The following TRPM1 variants were observed in gnomAD, a reference collection of about 807,000 sequenced individuals.
The protein encoded by TRPM1 is transient receptor potential cation channel subfamily M member 1.
Under a neutral mutation model 149.4 loss-of-function variants are expected in TRPM1, and 113 were observed. That is an observed-to-expected ratio of 0.76 (90% CI 0.65 to 0.88). TRPM1 has a LOEUF of 0.88. Ranked by LOEUF, TRPM1 falls within the 40% of genes least tolerant of loss-of-function variation. The probability of loss-of-function intolerance (pLI) is 0.00; values close to 1 mark genes in which losing one functional copy is unlikely to be tolerated. For synonymous variants in TRPM1, 741 were observed against 759.5 expected, an observed-to-expected ratio of 0.98 and a Z score of 0.40; for missense variants, 1,976 against 2,038.7, an observed-to-expected ratio of 0.97 and a Z score of 0.59.
At chr15:31,130,514 C>T (rs1018273712) in intron 1 of TRPM1, among the ~76,000 whole-genome samples, 1 of 152,216 alleles carries the variant, frequency 6.6e-6, no homozygotes, top group African/African-American at 2.4e-5. Flanking sequence ...AAATTAGCTA[C>T]AAGATTAGAA....
chr15:31,105,183 T>C (rs1299442620), upstream of TRPM1, among the ~76,000 whole-genome samples: 1 of 152,200 alleles, frequency 6.6e-6, no homozygotes, highest in Non-Finnish European at 1.5e-5. Flanking sequence ...GTTCACATGG[T>C]CCCAGTTTCA....
intron 17 of TRPM1, among the ~76,000 whole-genome samples, chr15:31,041,600 A>T (rs1012425594): frequency 2.0e-5 from 3 of 152,180 alleles, no homozygotes; most frequent in Admixed American, 2.0e-4. Flanking sequence ...GTCACAGTCC[A>T]GGTCACAGTC....
intron 1 of TRPM1, among the ~76,000 whole-genome samples, chr15:31,153,130 G>C (rs774013328): frequency 7.6e-4 from 116 of 152,342 alleles, no homozygotes; most frequent in Non-Finnish European, 6.9e-4. Context: ...ACATTCTGTA[G>C]AGAATCCCTT....
intron 24 of TRPM1, among the ~76,000 whole-genome samples, chr15:31,028,805 C>A (rs903528876): frequency 6.6e-6 from 1 of 151,844 alleles, no homozygotes; most frequent in Non-Finnish European, 1.5e-5. Context: ...CTCATATCTG[C>A]GCTCAGAGAT....
chr15:31,006,551 G>A (rs2031996042), intron 27 of TRPM1, among the ~76,000 whole-genome samples: 1 of 152,224 alleles, frequency 6.6e-6, no homozygotes, highest in South Asian at 2.1e-4. Flanking sequence ...TATTTGGCAA[G>A]TATGAAAAGA....
chr15:31,043,822 T>C (rs2033689044), intron 16 of TRPM1, among the ~76,000 whole-genome samples: 1 of 152,198 alleles, frequency 6.6e-6, no homozygotes, highest in Non-Finnish European at 1.5e-5. Context: ...ATGTAAATTC[T>C]CTTTAAAAAC....
intron 1 of TRPM1, among the ~76,000 whole-genome samples, chr15:31,128,091 C>T (rs1462392583): frequency 1.3e-5 from 2 of 152,090 alleles, no homozygotes; most frequent in Non-Finnish European, 1.5e-5. Flanking sequence ...CCTGTGCCTC[C>T]CCTCCCCGCT....
rs1411906348 is a variant in TRPM1, at chr15:31,002,877, A to G, written c.3823T>C (p.Cys1275Arg). ...IQARSRASSE[C>R]EATYLLRQSS... Reference sequence around the variant, plus strand: ...TGCCGGAGAAGATACGTTGCCTCACATTCAGAAGAAGCCCGGGACCGTGCC... The same window carrying G: ...TGCCGGAGAAGATACGTTGCCTCACGTTCAGAAGAAGCCCGGGACCGTGCC... Residue 1275 changes from cysteine (C) to arginine (R), a missense_variant, in exon 28 of 28, where the codon TGT (cysteine) becomes CGT (arginine). Around this residue, in one of 3 missense-constraint regions of TRPM1, gnomAD observed 572 missense variants for 578.9 expected, o/e 0.99. Transcript: ENST00000256552. 1 of 1,614,072 alleles carries G rather than the reference A, an allele frequency of 6.2e-7. No homozygotes were observed. The highest frequency in any genetic ancestry group is 8.5e-7 in the Non-Finnish European group (1 of 1,180,002).
chr15:31,094,761 T>C (rs963029996), intron 1 of TRPM1, among the ~76,000 whole-genome samples: 4 of 152,224 alleles, frequency 2.6e-5, no homozygotes, highest in Non-Finnish European at 4.4e-5. Flanking sequence ...AATTGGAACC[T>C]TCAGACATTG....
In TRPM1 at chr15:31,032,780, C is replaced by T; in HGVS notation, c.2861G>A (p.Cys954Tyr). 5.6e-6 allele frequency: 9 copies of T among 1,614,164 alleles called. No individual in the cohort carries two copies. The highest frequency in any genetic ancestry group is 7.6e-6 in the Non-Finnish European group (9 of 1,180,032). Residue 954 changes from cysteine (C) to tyrosine (Y), a missense_variant, in exon 22 of 28, where the codon TGT (cysteine) becomes TAT (tyrosine). Physicochemically the swap from Cys to Tyr is radical, Grantham distance 194. This residue lies in a region of TRPM1 where 1,332 missense variants were observed against 1,347.1 expected (regional missense o/e 0.99). Transcript: ENST00000256552. Reference sequence around the variant, plus strand: ...GATGTACCAGAAGATGATATCCACACAGTAGATCACCCGGCCATAGCCCAT... The same window carrying T: ...GATGTACCAGAAGATGATATCCACATAGTAGATCACCCGGCCATAGCCCAT... ...PYMGYGRVIY[C>Y]VDIIFWYIRV...
chr15:31,085,603 G>A (rs2034978635), intron 1 of TRPM1, among the ~76,000 whole-genome samples: 2 of 152,152 alleles, frequency 1.3e-5, no homozygotes, highest in South Asian at 4.1e-4. Context: ...CCTAATTCAA[G>A]GTGGTGCTGG....
rs756249740 is a variant in TRPM1 at position 31,002,463 on chromosome 15, C to T, written c.4237G>A (p.Asp1413Asn). Residue 1413 changes from aspartate to asparagine, a missense_variant, in exon 28 of 28, where the codon GAC becomes AAC. Asp to Asn is a conservative substitution (Grantham distance 23). Around this residue, in one of 3 missense-constraint regions of TRPM1, gnomAD observed 572 missense variants for 578.9 expected, o/e 0.99. Transcript: ENST00000256552. ...TGAGTGTTTTGAACATCTGATTTGT[C>T]CTGTCCATGTATCACATCTGTTTTA... ...LNKTDVIHGQ[D>N]KSDVQNTQLT... The T allele has an allele frequency of 1.2e-6, 2 of 1,614,188 alleles. No individual in the cohort carries two copies. The highest frequency in any genetic ancestry group is 2.2e-5 in the East Asian group (1 of 44,888).
At chr15:31,135,065 T>A (rs2036070328) in intron 1 of TRPM1, among the ~76,000 whole-genome samples, 2 of 152,202 alleles carry the variant, frequency 1.3e-5, no homozygotes, top group South Asian at 4.1e-4. Flanking sequence ...GAAGGATACA[T>A]ATGATTAAAC....
chr15:31,119,235 C>T (rs1447139729), intron 1 of TRPM1, among the ~76,000 whole-genome samples: 2 of 113,634 alleles, frequency 1.8e-5, no homozygotes, highest in African/African-American at 3.1e-5. Context: ...GAGTGAAACT[C>T]CATCTCAAAA....
intron 5 of TRPM1, 134 bp downstream of exon 5, chr15:31,067,745 G>A (rs986636044): frequency 3.4e-6 from 3 of 873,474 alleles, no homozygotes; most frequent in African/African-American, 3.3e-5. Flanking sequence ...AGGGAATAAA[G>A]ACTTCACTTT....
chr15:31,160,847 C>A, intron 1 of TRPM1: 1 of 1,512,272 alleles, frequency 6.6e-7, no homozygotes. Flanking sequence ...GAGCTGGAGA[C>A]CAGTGTCCCT....
intron 16 of TRPM1, among the ~76,000 whole-genome samples, chr15:31,045,695 T>C (rs2033743343): frequency 6.6e-6 from 1 of 152,244 alleles, no homozygotes; most frequent in South Asian, 2.1e-4. Flanking sequence ...TCCAAGAAAG[T>C]ATTTTATCAT....
intron 1 of TRPM1, among the ~76,000 whole-genome samples, chr15:31,154,772 T>G (rs1165249620): frequency 1.3e-5 from 2 of 152,182 alleles, no homozygotes; most frequent in Non-Finnish European, 2.9e-5. Context: ...TTGCAGAACC[T>G]GCACTTGATG....
chr15:31,082,017 G>A (rs1379972392), intron 1 of TRPM1, among the ~76,000 whole-genome samples: 2 of 152,074 alleles, frequency 1.3e-5, no homozygotes, highest in Non-Finnish European at 2.9e-5. Flanking sequence ...CAATGCCAAG[G>A]TCATAACAAA....
Sources: allele counts gnomAD v4.1 joint callset (sites outside exome capture counted in the v4.1 genomes callset), GRCh38; gene constraint gnomAD v4.1.1; regional missense constraint gnomAD v4.1.1; transcripts MANE v1.5; gene names NCBI Gene and HGNC (gene_info 2026-07-23, HGNC 2026-07-21).